The following PUS1 variants were observed in gnomAD, a reference collection of about 807,000 sequenced individuals.
PUS1 encodes the protein pseudouridylate synthase 1 homolog.
PUS1 carries 25 observed loss-of-function variants against 38.5 expected under a neutral mutation model. That is an observed-to-expected ratio of 0.65 (90% CI 0.47 to 0.91). The LOEUF (loss-of-function observed/expected upper bound fraction) is 0.91. Among genes scored for constraint, PUS1 ranks in the 40% least tolerant of loss-of-function variants. The pLI is 0.00. For missense variants in PUS1, 597 were observed against 612.3 expected (o/e 0.97, Z 0.26); for synonymous variants, 282 against 260.4 (o/e 1.08, Z -0.80).
At chr12:131,931,968 A>G (rs1593288289) in intron 2 of PUS1, 7 of 663,738 alleles carry the variant, frequency 1.1e-5, no homozygotes, top group Non-Finnish European at 1.6e-5. Flanking sequence ...ATTCCACACT[A>G]CCCACCCCCT....
intron 3 of PUS1, among the ~76,000 whole-genome samples, chr12:131,936,215 A>C (rs1890824637): frequency 6.6e-6 from 1 of 151,820 alleles, no homozygotes; most frequent in Non-Finnish European, 1.5e-5. Context: ...CATCTCAAAA[A>C]AAAAAAAGCA....
chr12:131,936,796 G>T (rs7976578), intron 3 of PUS1, among the ~76,000 whole-genome samples: 14 of 152,004 alleles, frequency 9.2e-5, no homozygotes, highest in Admixed American at 3.9e-4. Context: ...GGCTGAGGCA[G>T]GAGAATCTCT....
chr12:131,932,468 C>T (rs749267088), intron 3 of PUS1, 156 bp downstream of exon 3: 3 of 831,434 alleles, frequency 3.6e-6, no homozygotes, highest in East Asian at 5.3e-5. Context: ...CGTCCAGGAG[C>T]CTGGTCGGCT....
At chr12:131,942,192 T>G (rs1437352591) in intron 5 of PUS1, among the ~76,000 whole-genome samples, 1 of 152,110 alleles carries the variant, frequency 6.6e-6, no homozygotes, top group African/African-American at 2.4e-5. Flanking sequence ...TTTTCGACCC[T>G]GGGAGGGCTG....
At chr12:131,935,682 C>T (rs1286229094) in intron 3 of PUS1, among the ~76,000 whole-genome samples, 3 of 151,930 alleles carry the variant, frequency 2.0e-5, no homozygotes, top group East Asian at 2.0e-4. Context: ...TACAGGCATG[C>T]GTCACCACGC....
intron 3 of PUS1, among the ~76,000 whole-genome samples, chr12:131,936,883 A>G (rs534264969): frequency 1.3e-5 from 2 of 151,018 alleles, no homozygotes; most frequent in Non-Finnish European, 2.9e-5. Flanking sequence ...AAAAAAAAGT[A>G]TACAGTTTAG....
Position 131,941,584 on chromosome 12 carries a change from T to C in PUS1, c.837T>C (p.Phe279=), listed in dbSNP as rs1891071137. 2 of 1,614,142 alleles carry C rather than the reference T, an allele frequency of 1.2e-6. No individual in the cohort carries two copies. The highest frequency in any genetic ancestry group is 1.3e-5 in the African/African-American group (1 of 75,036). Residue 279 remains phenylalanine (F), a synonymous_variant, in exon 5 of 6, where the codon TTT becomes TTC. Transcript: ENST00000376649. This position sits in a 1 kb window ranked among gnomAD's most constrained non-coding sequence, Gnocchi z 4.4. ...EEPFVREGLE[F]AVIRVKGQSF... is the part of the protein sequence containing the mutation. The stretch of plus-strand genomic sequence containing the variant: ...CCTTTGTGCGGGAGGGCCTGGAGTT[T>C]GCGGTGATCAGGGTGAAGGGCCAGA...
intron 3 of PUS1, chr12:131,932,708 C>T: frequency 2.6e-6 from 1 of 387,868 alleles, no homozygotes; most frequent in African/African-American, 2.1e-5. Context: ...ATTCTCTTTT[C>T]TTTCCTTTTT....
chr12:131,942,037 A>T, intron 5 of PUS1, 54 bp downstream of exon 5: 4 of 1,483,008 alleles, frequency 2.7e-6, no homozygotes, highest in Non-Finnish European at 3.7e-6. Context: ...CATTGTTCCC[A>T]TTGTACAGAG....
chr12:131,929,765 T>C lies in PUS1; in HGVS notation c.43T>C (p.Trp15Arg), dbSNP rs1360544410. The C allele has an allele frequency of 1.3e-6, 2 of 1,592,524 alleles. No individual in the cohort carries two copies. The highest frequency in any genetic ancestry group is 1.7e-5 in the Admixed American group (1 of 59,414). The change falls in exon 1 of 6, where the codon TGG becomes CGG. Residue 15 changes from tryptophan (W) to arginine (R), a missense_variant. Transcript: ENST00000376649. ...CGCGCTGTTGGGAGCCTTCGGACGGTGGACCCTGCGCCTGGGACCGCGTCC... is the reference window on the plus strand; with the variant it reads ...CGCGCTGTTGGGAGCCTTCGGACGGCGGACCCTGCGCCTGGGACCGCGTCC... The part of the protein sequence containing the change: ...LRALLGAFGR[W>R]TLRLGPRPSC...
intron 3 of PUS1, among the ~76,000 whole-genome samples, chr12:131,936,281 G>C (rs549432881): frequency 6.6e-6 from 1 of 151,822 alleles, no homozygotes; most frequent in Non-Finnish European, 1.5e-5. Context: ...TGTACAGTTC[G>C]GGCTGGGCGC....
chr12:131,941,058 G>A lies in PUS1; in HGVS notation c.545-234G>A, dbSNP rs1891038345. On this transcript the variant is annotated intron_variant, in intron 4 of 5. Coordinates refer to ENST00000376649, the MANE Select transcript of PUS1 (RefSeq NM_025215.6). The surrounding 1 kb of genome is among the most constrained non-coding windows in gnomAD (Gnocchi z 4.4). ...TCACTATTGGAAAATTACAATAAAT[G>A]GTTGTAAATTCAGTCACCTTATAGA... The A allele has an allele frequency of 1.8e-6, 1 of 564,178 alleles. No homozygotes were observed. The allele number at this position is 564,178 out of a possible 1,614,324, so 34.9% of individuals were successfully genotyped here.
In PUS1 at chr12:131,934,986, G is replaced by A. The variant is rs766527657; in HGVS notation, c.441+2674G>A. The A allele has an allele frequency of 2.0e-5, 3 of 152,400 alleles. No individual in the cohort carries two copies. In the East Asian group the frequency reaches 5.8e-4, roughly 29 times the overall value. The allele number at this position is 152,400 out of a possible 1,614,324, so 9.4% of individuals were successfully genotyped here. A position where few individuals can be genotyped will look rare whatever the true frequency, so the allele number is the denominator to read the frequency against. On this transcript the variant is annotated intron_variant, in intron 3 of 5. Coordinates refer to ENST00000376649, the MANE Select transcript of PUS1 (RefSeq NM_025215.6). ...GGATCCATGGATGCATTCTGGAGCCGTCGTACAGAGGGGAGAACACAAAGA... is the reference window on the plus strand; with the variant it reads ...GGATCCATGGATGCATTCTGGAGCCATCGTACAGAGGGGAGAACACAAAGA...
Position 131,941,774 on chromosome 12 carries a change from T to C in PUS1, c.1027T>C (p.Tyr343His), listed in dbSNP as rs763542157. Residue 343 changes from tyrosine (Y) to histidine (H), a missense_variant, in exon 5 of 6, where the codon TAC (tyrosine) becomes CAC (histidine). Transcript: ENST00000376649. This position sits in a 1 kb window ranked among gnomAD's most constrained non-coding sequence, Gnocchi z 4.4. Reference protein sequence around the residue: ...LVLERVHFEKYNQRFGNDGLH... With the variant: ...LVLERVHFEKHNQRFGNDGLH... The stretch of plus-strand genomic sequence containing the variant: ...CCTGGAGAGGGTGCACTTCGAGAAG[T>C]ACAACCAGCGCTTTGGCAACGATGG... 1.2e-6 allele frequency: 2 copies of C among 1,613,308 alleles called. No homozygotes were observed. The highest frequency in any genetic ancestry group is 2.2e-5 in the South Asian group (2 of 91,070).
At chr12:131,935,338 AAG>A (rs940307274) in intron 3 of PUS1, among the ~76,000 whole-genome samples, 2 of 152,184 alleles carry the variant, frequency 1.3e-5, no homozygotes, top group Non-Finnish European at 2.9e-5. Flanking sequence ...CAAGCTGATG[AAG>A]AGAGCATTTC....
chr12:131,938,445 CAA>C (rs2136439804), intron 3 of PUS1, among the ~76,000 whole-genome samples: 1 of 152,200 alleles, frequency 6.6e-6, no homozygotes, highest in Admixed American at 6.5e-5. Context: ...AACCTTGTCT[CAA>C]AAAGAACCCA....
At chr12:131,940,153 C>T (rs1027503227) in intron 4 of PUS1, among the ~76,000 whole-genome samples, 12 of 151,898 alleles carry the variant, frequency 7.9e-5, no homozygotes, top group African/African-American at 2.7e-4. Context: ...CCGCCTCAGC[C>T]TATAAGCTGG....
intron 4 of PUS1, among the ~76,000 whole-genome samples, chr12:131,940,639 G>A (rs994886870): frequency 6.6e-6 from 1 of 152,058 alleles, no homozygotes; most frequent in African/African-American, 2.4e-5. Flanking sequence ...GTGCAGTGGC[G>A]TGATCTCGGC....
chr12:131,943,439 G>A (rs1891175054), intron 5 of PUS1, 100 bp from the exon 6 acceptor site: 1 of 943,642 alleles, frequency 1.1e-6, no homozygotes, highest in South Asian at 1.3e-5. Context: ...AGTGGTGGGG[G>A]CAAGGCTCCT....
Sources: gnomAD v4.1 joint callset for allele counts (sites outside exome capture counted in the v4.1 genomes callset) on GRCh38, gnomAD v4.1.1 for gene constraint, Gnocchi (gnomAD v3.1) non-coding constraint, MANE v1.5 for transcripts, NCBI Gene and HGNC (gene_info 2026-07-23, HGNC 2026-07-21) for gene names.